The following RPRD1A variants were observed in gnomAD, a reference collection of about 807,000 sequenced individuals.
The protein encoded by RPRD1A is regulation of nuclear pre-mRNA domain-containing protein 1A.
In RPRD1A, 9 loss-of-function variants were observed where a neutral mutation model predicts 37.8. That is an observed-to-expected ratio of 0.24 (90% CI 0.14 to 0.42). The LOEUF (loss-of-function observed/expected upper bound fraction) is 0.42, where lower values mean the gene tolerates loss of function less well. Among genes scored for constraint, RPRD1A ranks in the 10% least tolerant of loss-of-function variants. The pLI, the probability that RPRD1A is intolerant of heterozygous loss-of-function variation, is 1.00. For synonymous variants in RPRD1A, 138 were observed against 139.7 expected (o/e 0.99, Z 0.08); for missense variants, 255 against 371.0 (o/e 0.69, Z 2.57).
At position 35,992,969 on chromosome 18, in the gene RPRD1A, CAT is replaced by C; in HGVS notation, c.*180_*181del. The C allele has an allele frequency of 2.3e-6, 1 of 443,196 alleles. No individual in the cohort carries two copies. The highest frequency in any genetic ancestry group is 3.8e-6 in the Non-Finnish European group (1 of 259,796). 27.5% of individuals were successfully genotyped at this position (443,196 alleles called of 1,614,324 possible). On this transcript the variant is annotated 3_prime_UTR_variant, in exon 7 of 7. Transcript: ENST00000399022. ...AATCATCACTTTGTTCAAATTAAGT[CAT>C]GTTAATTTACCAATAAAATAGTAAA...
At chr18:36,033,956 T>C in intron 1 of RPRD1A, 119 bp from the exon 2 acceptor site, 1 of 756,880 alleles carries the variant, frequency 1.3e-6, no homozygotes, top group Non-Finnish European at 2.0e-6. Flanking sequence ...TTATGTATCA[T>C]TTCAACCCTA....
At chr18:36,015,951 T>A (rs930558740) in intron 6 of RPRD1A, among the ~76,000 whole-genome samples, 1 of 152,186 alleles carries the variant, frequency 6.6e-6, no homozygotes, top group Admixed American at 6.5e-5. Context: ...ATATGGCAAA[T>A]TTTATGTGTA....
intron 1 of RPRD1A, among the ~76,000 whole-genome samples, chr18:36,047,538 G>A (rs749401206): frequency 5.3e-5 from 8 of 152,060 alleles, no homozygotes; most frequent in Non-Finnish European, 7.4e-5. Flanking sequence ...ATGAAGCAAA[G>A]AACTGGTTAT....
chr18:36,038,185 C>T (rs1395026421), intron 1 of RPRD1A, among the ~76,000 whole-genome samples: 1 of 152,234 alleles, frequency 6.6e-6, no homozygotes, highest in Non-Finnish European at 1.5e-5. Context: ...GTCTCCAGGG[C>T]ATGTCAGAGA....
At chr18:36,067,030 GCTAACCGGAGTTTT>G (rs1404707277) in intron 1 of RPRD1A, among the ~76,000 whole-genome samples, 1 of 152,238 alleles carries the variant, frequency 6.6e-6, no homozygotes, top group Non-Finnish European at 1.5e-5. Context: ...TCCGTGTTAA[GCTAACCGGAGTTTT>G]CTTTTTTAAT....
Position 36,009,093 on chromosome 18 carries a change from CT to C in RPRD1A, c.790-15794del, listed in dbSNP as rs550874779. Among the ~76,000 whole-genome samples, 75 of 152,046 alleles carry C rather than the reference CT, an allele frequency of 4.9e-4. 2 individuals are homozygous for C. The South Asian group carries it at 0.016, about 32-fold the overall frequency. On this transcript the variant is annotated intron_variant, in intron 6 of 6. Coordinates refer to ENST00000399022, the MANE Select transcript of RPRD1A (RefSeq NM_018170.5). ...TATTAACTATTTCCTAGGGGAAGTT[CT>C]TCCCTTTGAGCTTTCTTTCTTATGT...
chr18:36,061,469 CCTAT>C (rs1568155494), intron 1 of RPRD1A, among the ~76,000 whole-genome samples: 2 of 152,202 alleles, frequency 1.3e-5, no homozygotes, highest in African/African-American at 2.4e-5. Context: ...AGAATTTCCT[CCTAT>C]CTATCTTGTT....
At chr18:36,016,135 T>A (rs552252477) in intron 6 of RPRD1A, among the ~76,000 whole-genome samples, 2 of 152,336 alleles carry the variant, frequency 1.3e-5, no homozygotes, top group African/African-American at 4.8e-5. Context: ...CAAACTGTCC[T>A]CCACAGAGTG....
chr18:36,042,215 T>C (rs896762304), intron 1 of RPRD1A, among the ~76,000 whole-genome samples: 1 of 152,208 alleles, frequency 6.6e-6, no homozygotes, highest in African/African-American at 2.4e-5. Context: ...CGAGCCCACA[T>C]AGGTTAGGCA....
intron 6 of RPRD1A, among the ~76,000 whole-genome samples, chr18:36,024,452 G>A (rs112344802): frequency 1.3e-5 from 2 of 151,612 alleles, no homozygotes; most frequent in African/African-American, 2.4e-5. Context: ...CACCACACCC[G>A]GCCCAACAGT....
chr18:36,056,719 A>T (rs1360511139), intron 1 of RPRD1A, among the ~76,000 whole-genome samples: 1 of 152,148 alleles, frequency 6.6e-6, no homozygotes, highest in East Asian at 1.9e-4. Flanking sequence ...ATTACCAGTT[A>T]TTACAGATAC....
intron 1 of RPRD1A, among the ~76,000 whole-genome samples, chr18:36,062,625 C>T (rs1452354332): frequency 1.3e-5 from 2 of 152,162 alleles, no homozygotes; most frequent in Non-Finnish European, 2.9e-5. Flanking sequence ...TCTTTTGCAA[C>T]TGGCTTCTTT....
chr18:36,005,706 C>G (rs573528820), intron 6 of RPRD1A, among the ~76,000 whole-genome samples: 1 of 152,288 alleles, frequency 6.6e-6, no homozygotes, highest in East Asian at 1.9e-4. Flanking sequence ...ACAATTTATT[C>G]AAGTTCATAG....
At chr18:36,065,054 A>G (rs1213532435) in intron 1 of RPRD1A, among the ~76,000 whole-genome samples, 2 of 152,214 alleles carry the variant, frequency 1.3e-5, no homozygotes, top group Admixed American at 6.5e-5. Context: ...AACTCCAGAC[A>G]TGTCTGAACA....
At position 36,004,196 on chromosome 18, in the gene RPRD1A, T is replaced by C. The variant is rs116740222; in HGVS notation, c.790-10896A>G. Among the ~76,000 whole-genome samples the C allele has an allele frequency of 8.7e-3, 1,326 of 151,980 alleles. 23 individuals carry two copies. The highest frequency in any genetic ancestry group is 0.03 in the African/African-American group (1,254 of 41,444). ...AGGGGTTAAATACATTTATATGATA[T>C]TGTTACCAATGATAGCACTCCACCA... On this transcript the variant is annotated intron_variant, in intron 6 of 6. Transcript: ENST00000399022.
chr18:36,054,151 GCATCAAATTATACACC>G (rs1331738659), intron 1 of RPRD1A, among the ~76,000 whole-genome samples: 1 of 152,118 alleles, frequency 6.6e-6, no homozygotes, highest in Non-Finnish European at 1.5e-5. Context: ...ACCATATAAA[GCATCAAATTATACACC>G]CACACTAATT....
chr18:36,038,818 G>C (rs1159071274), intron 1 of RPRD1A, among the ~76,000 whole-genome samples: 2 of 152,216 alleles, frequency 1.3e-5, no homozygotes, highest in African/African-American at 2.4e-5. Context: ...GGAGCTTTAA[G>C]GTTTAATGGC....
chr18:36,055,930 G>GT (rs1913735880), intron 1 of RPRD1A, among the ~76,000 whole-genome samples: 1 of 151,970 alleles, frequency 6.6e-6, no homozygotes, highest in East Asian at 1.9e-4. Flanking sequence ...ATGGGTAGAG[G>GT]TAAAAATGAA....
At chr18:36,024,992 C>T (rs1911260987) in intron 6 of RPRD1A, 1 of 152,098 alleles carries the variant, frequency 6.6e-6, no homozygotes, top group Non-Finnish European at 1.5e-5. Flanking sequence ...AATATAAAAT[C>T]CAGTTATGCA....
Sources: allele counts gnomAD v4.1 joint callset (sites outside exome capture counted in the v4.1 genomes callset), GRCh38; gene constraint gnomAD v4.1.1; transcripts MANE v1.5; gene names NCBI Gene and HGNC (gene_info 2026-07-23, HGNC 2026-07-21).